Variants in FAM110B observed in about 807,000 individuals in gnomAD.
FAM110B encodes the protein family with sequence similarity 110 member B, also known as protein FAM110B.
In FAM110B, 6 loss-of-function variants were observed where a neutral mutation model predicts 20.4. The observed-to-expected ratio is 0.29, with a 90% CI of 0.16 to 0.58. The LOEUF is 0.58. Among genes scored for constraint, FAM110B ranks in the 20% least tolerant of loss-of-function variants. FAM110B has a pLI of 0.90. For synonymous variants in FAM110B, 226 were observed against 214.1 expected (o/e 1.06, Z -0.49); for missense variants, 434 against 498.2 (o/e 0.87, Z 1.23).
rs1554521043 is a variant in FAM110B at position 58,075,267 on chromosome 8, T to TGTGTGTG, written c.-413-268_-413-267insGTGTGTG. On this transcript the variant is annotated intron_variant, in intron 2 of 3. Transcript: ENST00000519262. ...CCACACTGAACTAATTTTTGCTTTT[T>TGTGTGTG]TTTTTTTTTGTGTGTGTGTGTGTGT... Among the ~76,000 whole-genome samples the TGTGTGTG allele has an allele frequency of 2.9e-3, 393 of 134,228 alleles. 1 individual carries two copies. The highest frequency in any genetic ancestry group is 0.014 in the Middle Eastern group (4 of 280). The allele number at this position is 134,228 out of a possible 152,430, so 88.1% of individuals were successfully genotyped here.
chr8:58,107,919 T>C (rs1806961149), intron 3 of FAM110B, among the ~76,000 whole-genome samples: 1 of 152,248 alleles, frequency 6.6e-6, no homozygotes, highest in African/African-American at 2.4e-5. Flanking sequence ...GGAATGAAGC[T>C]GATTTAAACA....
intron 2 of FAM110B, among the ~76,000 whole-genome samples, chr8:58,041,429 T>G (rs1236322636): frequency 2.6e-5 from 4 of 152,238 alleles, no homozygotes; most frequent in Non-Finnish European, 5.9e-5. Context: ...GTCATGACTA[T>G]GTACCATCAG....
At chr8:58,078,960 C>T (rs184096566) in intron 3 of FAM110B, among the ~76,000 whole-genome samples, 1 of 152,280 alleles carries the variant, frequency 6.6e-6, no homozygotes, top group African/African-American at 2.4e-5. Flanking sequence ...ACCAAAAATG[C>T]TTGCTGGTTT....
intron 3 of FAM110B, among the ~76,000 whole-genome samples, chr8:58,112,541 C>T (rs1807085527): frequency 6.6e-6 from 1 of 152,192 alleles, no homozygotes; most frequent in Admixed American, 6.5e-5. Context: ...AGCTGAACTT[C>T]ACCTGGGTGA....
chr8:58,000,305 A>T (rs1311055116), intron 1 of FAM110B, among the ~76,000 whole-genome samples: 1 of 152,146 alleles, frequency 6.6e-6, no homozygotes, highest in African/African-American at 2.4e-5. Context: ...ATGATGGATG[A>T]TGGATGGTAG....
intron 3 of FAM110B, among the ~76,000 whole-genome samples, chr8:58,105,088 A>C (rs1434973515): frequency 1.3e-5 from 2 of 151,420 alleles, no homozygotes; most frequent in East Asian, 1.9e-4. Context: ...AAGTGGAACT[A>C]GGTGCCTTGG....
intron 3 of FAM110B, among the ~76,000 whole-genome samples, chr8:58,079,445 T>C (rs1053368101): frequency 3.9e-5 from 6 of 152,168 alleles, no homozygotes; most frequent in Non-Finnish European, 8.8e-5. Flanking sequence ...CACACACTTA[T>C]TGTGAAGTTC....
chr8:58,091,422 G>A (rs1433286903), intron 3 of FAM110B: 1 of 152,248 alleles, frequency 6.6e-6, no homozygotes, highest in African/African-American at 2.4e-5. Context: ...TCCTGCTTAT[G>A]CTCGCCAAGG....
intron 2 of FAM110B, among the ~76,000 whole-genome samples, chr8:58,046,428 T>C (rs7000941): frequency 0.076 from 11,619 of 152,234 alleles, 701 homozygotes; most frequent in African/African-American, 0.16. Flanking sequence ...AGAGCAGTTC[T>C]GTGGGGCCCA....
intron 1 of FAM110B, among the ~76,000 whole-genome samples, chr8:58,012,599 T>C (rs781048971): frequency 1.1e-4 from 16 of 152,314 alleles, no homozygotes; most frequent in Non-Finnish European, 2.1e-4. Flanking sequence ...TGGTGCTGGT[T>C]CTGGGCCATG....
rs1277897681 is a variant in FAM110B at position 58,007,586 on chromosome 8, A to G, written c.-512+12780A>G. On this transcript the variant is annotated intron_variant, in intron 1 of 3. Transcript: ENST00000519262. ...TAGGGCCTTGGCAAGTGATTAGATG[A>G]TGAGGGTGGAGCCCTTATGAATGGG... Among the ~76,000 whole-genome samples, 2 of 152,196 alleles carry G rather than the reference A, an allele frequency of 1.3e-5. 1 individual carries two copies. The highest frequency in any genetic ancestry group is 4.8e-5 in the African/African-American group (2 of 41,446).
At chr8:58,060,762 C>T (rs1805640579) in intron 2 of FAM110B, among the ~76,000 whole-genome samples, 1 of 152,118 alleles carries the variant, frequency 6.6e-6, no homozygotes, top group Non-Finnish European at 1.5e-5. Flanking sequence ...TTCTCTGTCC[C>T]CTTCTCTCAA....
At chr8:58,022,998 A>G (rs963306282) in intron 1 of FAM110B, among the ~76,000 whole-genome samples, 1 of 152,198 alleles carries the variant, frequency 6.6e-6, no homozygotes, top group Non-Finnish European at 1.5e-5. Context: ...TGTTGAATAT[A>G]TTGTGGAGAC....
chr8:57,997,910 G>A (rs992211665), intron 1 of FAM110B, among the ~76,000 whole-genome samples: 55 of 152,128 alleles, frequency 3.6e-4, no homozygotes, highest in African/African-American at 1.3e-3. Flanking sequence ...ACAAGTGAAG[G>A]GAAGTGACTT....
At chr8:58,120,676 A>T (rs573477496) in intron 3 of FAM110B, among the ~76,000 whole-genome samples, 19 of 152,328 alleles carry the variant, frequency 1.2e-4, no homozygotes, top group African/African-American at 3.8e-4. Flanking sequence ...CTGTCAGCCC[A>T]TATTGTTGAG....
chr8:58,092,584 T>C (rs528309965), intron 3 of FAM110B, among the ~76,000 whole-genome samples: 12 of 152,362 alleles, frequency 7.9e-5, no homozygotes, highest in Non-Finnish European at 1.6e-4. Flanking sequence ...CTCATCCTTT[T>C]TTATGACTAC....
At chr8:58,094,890 G>T (rs1399344343) in intron 3 of FAM110B, among the ~76,000 whole-genome samples, 1 of 151,866 alleles carries the variant, frequency 6.6e-6, no homozygotes, top group African/African-American at 2.4e-5. Context: ...GATTTTTTTT[G>T]GTTGGTAGGC....
chr8:58,067,303 G>A (rs1017090430), intron 2 of FAM110B, among the ~76,000 whole-genome samples: 1 of 152,182 alleles, frequency 6.6e-6, no homozygotes, highest in Admixed American at 6.5e-5. Flanking sequence ...AAAAGTACAC[G>A]TCTGCATTCT....
At chr8:58,118,969 A>G (rs1034987199) in intron 3 of FAM110B, among the ~76,000 whole-genome samples, 1 of 152,200 alleles carries the variant, frequency 6.6e-6, no homozygotes, top group Non-Finnish European at 1.5e-5. Context: ...AACATTCAGA[A>G]CTAAAATTAT....
Sources: allele counts gnomAD v4.1 joint callset (sites outside exome capture counted in the v4.1 genomes callset), GRCh38; gene constraint gnomAD v4.1.1; transcripts MANE v1.5; gene names NCBI Gene and HGNC (gene_info 2026-07-23, HGNC 2026-07-21).